CSMD1: variants seen among roughly 807,000 people sequenced by gnomAD.
CSMD1 encodes CUB and sushi domain-containing protein 1.
In CSMD1, 213 loss-of-function variants were observed where a neutral mutation model predicts 417.5. The ratio of observed to expected loss-of-function variants is 0.51; its 90% CI spans 0.46 to 0.57. The LOEUF (loss-of-function observed/expected upper bound fraction) is 0.57. Ranked by LOEUF, CSMD1 falls within the 20% of genes least tolerant of loss-of-function variation. CSMD1 has a pLI of 0.00. For synonymous variants in CSMD1, 2,862 were observed against 1,736.8 expected, an observed-to-expected ratio of 1.65 and a Z score of -16.11; for missense variants, 6,923 against 4,529.7, an observed-to-expected ratio of 1.53 and a Z score of -15.17.
intron 3 of CSMD1, among the ~76,000 whole-genome samples, chr8:4,131,951 A>G (rs1192095122): frequency 6.6e-6 from 1 of 151,890 alleles, no homozygotes; most frequent in Non-Finnish European, 1.5e-5. Flanking sequence ...TTTTTAGTAG[A>G]GACCGGCTTT....
chr8:4,217,784 T>G (rs999479217), intron 3 of CSMD1, among the ~76,000 whole-genome samples: 1 of 152,118 alleles, frequency 6.6e-6, no homozygotes, highest in Non-Finnish European at 1.5e-5. Flanking sequence ...ATTGTTGGGC[T>G]AAGAGACCAC....
At chr8:4,450,679 T>A (rs1180529877) in intron 2 of CSMD1, among the ~76,000 whole-genome samples, 1 of 152,194 alleles carries the variant, frequency 6.6e-6, no homozygotes, top group Non-Finnish European at 1.5e-5. Flanking sequence ...TGTCTTGCAC[T>A]GTATCCAATG....
At chr8:4,350,644 T>C (rs535741765) in intron 3 of CSMD1, among the ~76,000 whole-genome samples, 31 of 152,208 alleles carry the variant, frequency 2.0e-4, no homozygotes, top group African/African-American at 7.0e-4. Context: ...GAATTGCGAG[T>C]TGACTCATGA....
intron 3 of CSMD1, among the ~76,000 whole-genome samples, chr8:4,070,737 C>G (rs1160612926): frequency 6.6e-6 from 1 of 152,132 alleles, no homozygotes; most frequent in Non-Finnish European, 1.5e-5. Context: ...GAGCAACCAT[C>G]TCAGCATTTC....
Position 3,595,872 on chromosome 8 carries a change from G to C in CSMD1, c.1098-9612C>G, listed in dbSNP as rs147832250. 4.6e-3 allele frequency among the ~76,000 whole-genome samples: 705 copies of C among 152,330 alleles called. 3 individuals carry two copies. The highest frequency in any genetic ancestry group is 7.3e-3 in the Non-Finnish European group (494 of 68,024). ...GCACACTGTGTGAACGTGGAAGAGG[G>C]TTTGGATGCAGCCAGGACTGTGGGG... On this transcript the variant is annotated intron_variant, in intron 8 of 69. Transcript: ENST00000635120.
chr8:3,984,954 A>C (rs1392714441), intron 5 of CSMD1, among the ~76,000 whole-genome samples: 1 of 151,980 alleles, frequency 6.6e-6, no homozygotes, highest in East Asian at 1.9e-4. Context: ...AACACTTTAG[A>C]ATTTGGTGAA....
chr8:3,268,046 G>T (rs1221359000), intron 26 of CSMD1, among the ~76,000 whole-genome samples: 1 of 152,094 alleles, frequency 6.6e-6, no homozygotes, highest in Admixed American at 6.5e-5. Context: ...TGAGGGACGG[G>T]CCAATCTTTG....
chr8:3,991,718 T>C (rs933084713), intron 5 of CSMD1, among the ~76,000 whole-genome samples: 1 of 152,198 alleles, frequency 6.6e-6, no homozygotes, highest in Non-Finnish European at 1.5e-5. Flanking sequence ...ACTGCTTCCA[T>C]CTTCCTGTTT....
chr8:4,196,019 G>C (rs546339127), intron 3 of CSMD1, among the ~76,000 whole-genome samples: 8 of 152,052 alleles, frequency 5.3e-5, no homozygotes, highest in Non-Finnish European at 8.8e-5. Context: ...AGACCATCCT[G>C]GCTAACACAG....
intron 5 of CSMD1, among the ~76,000 whole-genome samples, chr8:3,942,639 C>T (rs76792879): frequency 0.065 from 9,891 of 152,234 alleles, 381 homozygotes; most frequent in South Asian, 0.093. Context: ...ACTGGTTAGC[C>T]TCAGTTTATC....
intron 49 of CSMD1, among the ~76,000 whole-genome samples, chr8:3,069,828 G>A (rs1017347113): frequency 1.5e-4 from 23 of 152,344 alleles, no homozygotes; most frequent in African/African-American, 5.1e-4. Context: ...CCTAGTAGAG[G>A]TTCTCTGTGA....
chr8:2,972,379 T>A (rs548560365), intron 57 of CSMD1, among the ~76,000 whole-genome samples: 6 of 152,342 alleles, frequency 3.9e-5, no homozygotes, highest in Non-Finnish European at 7.3e-5. Context: ...ATAACCTTTT[T>A]AGACTGAAAA....
At chr8:4,711,384 CAT>C (rs569301908) in intron 1 of CSMD1, among the ~76,000 whole-genome samples, 61 of 152,104 alleles carry the variant, frequency 4.0e-4, no homozygotes, top group African/African-American at 1.4e-3. Context: ...TGTTAAATTG[CAT>C]AGTTTTCGTA....
intron 6 of CSMD1, among the ~76,000 whole-genome samples, chr8:3,737,134 T>C: frequency 1.3e-5 from 2 of 152,332 alleles, no homozygotes; most frequent in Middle Eastern, 6.8e-3. Flanking sequence ...AATCTTAAAT[T>C]AGATGGGAAC....
chr8:4,717,601 T>A (rs1042550161), intron 1 of CSMD1, among the ~76,000 whole-genome samples: 1 of 151,362 alleles, frequency 6.6e-6, no homozygotes, highest in Non-Finnish European at 1.5e-5. Flanking sequence ...CATCCATCCA[T>A]CCACAAGCAG....
intron 1 of CSMD1, among the ~76,000 whole-genome samples, chr8:4,911,647 C>T (rs966510993): frequency 6.6e-6 from 1 of 152,160 alleles, no homozygotes. Flanking sequence ...ATAATTTACA[C>T]ACTAAATAAC....
At chr8:4,529,833 C>G (rs1327135365) in intron 2 of CSMD1, among the ~76,000 whole-genome samples, 1 of 150,234 alleles carries the variant, frequency 6.7e-6, no homozygotes, top group Non-Finnish European at 1.5e-5. Flanking sequence ...AAAATTCGTG[C>G]ATAGGTTACC....
intron 3 of CSMD1, among the ~76,000 whole-genome samples, chr8:4,276,327 AC>A (rs1194784949): frequency 1.3e-5 from 2 of 152,216 alleles, no homozygotes; most frequent in Non-Finnish European, 2.9e-5. Flanking sequence ...CTTTGCAGGG[AC>A]ATGGATGAAA....
intron 2 of CSMD1, among the ~76,000 whole-genome samples, chr8:4,467,889 G>A (rs1800279183): frequency 6.6e-6 from 1 of 152,144 alleles, no homozygotes; most frequent in Non-Finnish European, 1.5e-5. Flanking sequence ...ATCATCTAGT[G>A]GGTTGAACAC....
Sources: allele counts gnomAD v4.1 joint callset (sites outside exome capture counted in the v4.1 genomes callset), GRCh38; gene constraint gnomAD v4.1.1; transcripts MANE v1.5; gene names NCBI Gene and HGNC (gene_info 2026-07-23, HGNC 2026-07-21).